The following SUGCT variants were observed in gnomAD, a reference collection of about 807,000 sequenced individuals.
SUGCT encodes the protein succinyl-CoA:glutarate CoA-transferase.
In SUGCT, 41 loss-of-function variants were observed where a neutral mutation model predicts 55.0. The ratio of observed to expected loss-of-function variants is 0.74; its 90% CI spans 0.58 to 0.97. The LOEUF is 0.97. SUGCT is among the 50% of genes least tolerant of loss of function. The pLI, the probability that SUGCT is intolerant of heterozygous loss-of-function variation, is 0.00. For missense variants in SUGCT, 568 were observed against 547.8 expected (o/e 1.04, Z -0.37); for synonymous variants, 187 against 200.4 (o/e 0.93, Z 0.56).
rs1784068780 is a variant in SUGCT, at chr7:40,677,772, A to G, written c.1090-71662A>G. Among the ~76,000 whole-genome samples the G allele has an allele frequency of 2.6e-5, 4 of 152,370 alleles. No individual in the cohort carries two copies. The South Asian group carries it at 8.3e-4, about 32-fold the overall frequency. Reference sequence around the variant, plus strand: ...TGACGTTGGGTTAGTAGCTGTATCTATTGCTACATAATATACCCCCAAATG... The same window carrying G: ...TGACGTTGGGTTAGTAGCTGTATCTGTTGCTACATAATATACCCCCAAATG... On this transcript the variant is annotated intron_variant, in intron 12 of 13. Transcript: ENST00000335693.
chr7:40,349,456 A>G (rs996426306), intron 9 of SUGCT, among the ~76,000 whole-genome samples: 41 of 150,710 alleles, frequency 2.7e-4, no homozygotes, highest in African/African-American at 9.3e-4. Context: ...ACTTGACACT[A>G]TAATAGTCCT....
At chr7:40,269,803 T>C (rs7783371) in intron 7 of SUGCT, among the ~76,000 whole-genome samples, 16,911 of 152,214 alleles carry the variant, frequency 0.11, 1,229 homozygotes, top group Middle Eastern at 0.19. Context: ...ATATTTAAAT[T>C]AGGTCATTTT....
At chr7:40,831,335 C>T (rs996968694) in intron 13 of SUGCT, among the ~76,000 whole-genome samples, 4 of 152,164 alleles carry the variant, frequency 2.6e-5, no homozygotes, top group South Asian at 2.1e-4. Flanking sequence ...TCATTGCTTA[C>T]ACCTGCTGTG....
At chr7:40,462,649 A>G (rs986780487) in intron 11 of SUGCT, among the ~76,000 whole-genome samples, 1 of 152,228 alleles carries the variant, frequency 6.6e-6, no homozygotes, top group East Asian at 1.9e-4. Flanking sequence ...CCATTTATTC[A>G]GTCTCTCACA....
chr7:40,669,512 T>C (rs902313698), intron 12 of SUGCT, among the ~76,000 whole-genome samples: 4 of 151,516 alleles, frequency 2.6e-5, no homozygotes, highest in African/African-American at 9.7e-5. Context: ...ATAAATATGC[T>C]TGAAAGAAAT....
At chr7:40,637,980 G>A (rs894368350) in intron 12 of SUGCT, among the ~76,000 whole-genome samples, 1 of 152,204 alleles carries the variant, frequency 6.6e-6, no homozygotes, top group Non-Finnish European at 1.5e-5. Context: ...GATACTGGTT[G>A]AAATTTTTAG....
chr7:40,346,235 C>A (rs888823518), intron 9 of SUGCT, among the ~76,000 whole-genome samples: 17 of 152,138 alleles, frequency 1.1e-4, no homozygotes, highest in African/African-American at 4.1e-4. Flanking sequence ...ATTATACAGG[C>A]TTTCCATTTC....
intron 12 of SUGCT, among the ~76,000 whole-genome samples, chr7:40,653,226 C>A (rs1800864187): frequency 6.6e-6 from 1 of 152,144 alleles, no homozygotes; most frequent in Non-Finnish European, 1.5e-5. Context: ...TAGCACCTGG[C>A]ATATATTAAA....
At chr7:40,372,024 A>C (rs1784318556) in intron 9 of SUGCT, among the ~76,000 whole-genome samples, 1 of 151,952 alleles carries the variant, frequency 6.6e-6, no homozygotes, top group African/African-American at 2.4e-5. Context: ...TTTAAACAAA[A>C]TCAGGATTAT....
intron 9 of SUGCT, among the ~76,000 whole-genome samples, chr7:40,395,236 C>T (rs1236364247): frequency 6.6e-6 from 1 of 151,980 alleles, no homozygotes; most frequent in Non-Finnish European, 1.5e-5. Flanking sequence ...CGCCTGCAAT[C>T]CCAGCATTTT....
In SUGCT at chr7:40,666,419, G is replaced by GTTTTTT. The variant is rs70990637; in HGVS notation, c.1090-82995_1090-82990dup. Among the ~76,000 whole-genome samples the GTTTTTT allele has an allele frequency of 4.6e-4, 33 of 72,236 alleles. 3 individuals carry two copies. Among genetic ancestry groups the GTTTTTT allele is most frequent in the Non-Finnish European group, 4.9e-4 (20 of 40,462 alleles). The allele number at this position is 72,236 out of a possible 152,430, so 47.4% of individuals were successfully genotyped here. ...AGAAAGAAAGTAGGGTTATAGGTTAGTTTTTTTTTTTTTTTTTTTTTTTTT... is the reference window on the plus strand; with the variant it reads ...AGAAAGAAAGTAGGGTTATAGGTTAGTTTTTTTTTTTTTTTTTTTTTTTTTTTTTTT... On this transcript the variant is annotated intron_variant, in intron 12 of 13. Transcript: ENST00000335693.
chr7:40,684,086 C>T, intron 12 of SUGCT: 1 of 1,612,376 alleles, frequency 6.2e-7, no homozygotes, highest in Non-Finnish European at 8.5e-7. Context: ...AAGCCTGCTG[C>T]ATTCCTTGGC....
chr7:40,487,782 A>G (rs1361365145), intron 11 of SUGCT, among the ~76,000 whole-genome samples: 1 of 151,954 alleles, frequency 6.6e-6, no homozygotes, highest in Admixed American at 6.6e-5. Context: ...TTGTCTTTAC[A>G]GTTTTTGCAT....
At chr7:40,591,916 C>G (rs1158959363) in intron 12 of SUGCT, among the ~76,000 whole-genome samples, 1 of 152,184 alleles carries the variant, frequency 6.6e-6, no homozygotes, top group Non-Finnish European at 1.5e-5. Flanking sequence ...CCACAAAATT[C>G]ATGTGACTTA....
the SUGCT span, among the ~76,000 whole-genome samples, chr7:41,018,258 A>T: frequency 6.6e-6 from 1 of 152,074 alleles, no homozygotes; most frequent in African/African-American, 2.4e-5. Context: ...GCAGGGGAGG[A>T]GGCTCCAGAA....
At chr7:40,477,213 A>G (rs146338490) in intron 11 of SUGCT, among the ~76,000 whole-genome samples, 1 of 152,254 alleles carries the variant, frequency 6.6e-6, no homozygotes, top group African/African-American at 2.4e-5. Flanking sequence ...AAATATTTGA[A>G]TTATTTGAGT....
chr7:40,700,796 G>C (rs1584298168), intron 12 of SUGCT, among the ~76,000 whole-genome samples: 1 of 152,160 alleles, frequency 6.6e-6, no homozygotes, highest in Non-Finnish European at 1.5e-5. Context: ...GGTGCAAAAA[G>C]CAGCCACTGA....
At chr7:40,163,401 C>G (rs892563422) in intron 1 of SUGCT, among the ~76,000 whole-genome samples, 6 of 152,082 alleles carry the variant, frequency 3.9e-5, no homozygotes, top group African/African-American at 1.4e-4. Context: ...GTCAGGAGAT[C>G]AAGACCATCC....
At chr7:40,761,878 T>C (rs12538260) in intron 13 of SUGCT, among the ~76,000 whole-genome samples, 2,051 of 152,286 alleles carry the variant, frequency 0.013, 142 homozygotes, top group East Asian at 0.092. Context: ...TCTTTTGTTT[T>C]TTTAGCTCAA....
Sources: gnomAD v4.1 joint callset for allele counts (sites outside exome capture counted in the v4.1 genomes callset) on GRCh38, gnomAD v4.1.1 for gene constraint, MANE v1.5 for transcripts, NCBI Gene and HGNC (gene_info 2026-07-23, HGNC 2026-07-21) for gene names.